COL23A1: variants seen among roughly 807,000 people sequenced by gnomAD.
COL23A1 encodes collagen alpha-1(XXIII) chain.
Under a neutral mutation model 99.3 loss-of-function variants are expected in COL23A1, and 97 were observed. The ratio of observed to expected loss-of-function variants is 0.98; its 90% CI spans 0.83 to 1.16. The LOEUF is 1.16. COL23A1 is among the 50% of genes most tolerant of loss of function. COL23A1 has a pLI of 0.00. For synonymous variants in COL23A1, 320 were observed against 308.2 expected (o/e 1.04, Z -0.40); for missense variants, 762 against 757.4 (o/e 1.01, Z -0.07).
intron 2 of COL23A1, among the ~76,000 whole-genome samples, chr5:178,447,265 T>C (rs1767214139): frequency 6.6e-6 from 1 of 152,028 alleles, no homozygotes; most frequent in South Asian, 2.1e-4. Context: ...GGCTAATTTT[T>C]GTATTTTTAG....
At chr5:178,503,232 T>C (rs1758672839) in intron 2 of COL23A1, among the ~76,000 whole-genome samples, 1 of 152,156 alleles carries the variant, frequency 6.6e-6, no homozygotes, top group East Asian at 1.9e-4. Flanking sequence ...AATACAAGAA[T>C]TAGCCAAGCG....
At chr5:178,265,596 G>A (rs1459330111) in intron 8 of COL23A1, 3 of 837,284 alleles carry the variant, frequency 3.6e-6, no homozygotes, top group Non-Finnish European at 2.9e-6. Flanking sequence ...GCAAACGTGG[G>A]GTGAGTTGGG....
intron 3 of COL23A1, among the ~76,000 whole-genome samples, chr5:178,296,558 C>T (rs1369116113): frequency 2.0e-5 from 3 of 152,078 alleles, no homozygotes; most frequent in South Asian, 2.1e-4. Context: ...TTCTTGGCCA[C>T]GCCGTTTTTT....
chr5:178,374,173 C>T (rs967869524), intron 2 of COL23A1, among the ~76,000 whole-genome samples: 7 of 152,190 alleles, frequency 4.6e-5, no homozygotes, highest in Admixed American at 2.0e-4. Context: ...GTAATGAGTA[C>T]ATTAATGGTG....
At chr5:178,358,258 GTA>G (rs571551001) in intron 2 of COL23A1, among the ~76,000 whole-genome samples, 13 of 139,290 alleles carry the variant, frequency 9.3e-5, no homozygotes, top group South Asian at 4.7e-4. Flanking sequence ...GTGTGTGTAT[GTA>G]TATGTGTGTA....
rs143616946 is a variant in COL23A1, at chr5:178,340,632, G to A, written c.362-33713C>T. ...CTCAGGAGAAGCTGATGGTCCCAGA[G>A]CACACAGGGAATACCCATCAAGGCT... is the stretch of plus-strand genomic sequence containing the variant. On this transcript the variant is annotated intron_variant, in intron 2 of 28. Coordinates refer to ENST00000390654, the MANE Select transcript of COL23A1 (RefSeq NM_173465.4). This position sits in a 1 kb window ranked among gnomAD's most constrained non-coding sequence, Gnocchi z 4.7. Among the ~76,000 whole-genome samples the A allele has an allele frequency of 5.9e-3, 892 of 152,328 alleles. 8 individuals are homozygous for A. The highest frequency in any genetic ancestry group is 0.01 in the Admixed American group (154 of 15,306).
At chr5:178,457,964 A>G (rs1755887439) in intron 2 of COL23A1, among the ~76,000 whole-genome samples, 1 of 152,236 alleles carries the variant, frequency 6.6e-6, no homozygotes, top group South Asian at 2.1e-4. Context: ...GGGTATCCAC[A>G]GCACCCATAT....
intron 2 of COL23A1, among the ~76,000 whole-genome samples, chr5:178,455,592 C>T (rs569056838): frequency 6.6e-6 from 1 of 152,332 alleles, no homozygotes; most frequent in South Asian, 2.1e-4. Flanking sequence ...TCACGGGAGT[C>T]CCCCTGCATC....
intron 1 of COL23A1, among the ~76,000 whole-genome samples, chr5:178,575,898 TCGGAATATGA>T (rs1763327031): frequency 6.6e-6 from 1 of 152,204 alleles, no homozygotes; most frequent in African/African-American, 2.4e-5. Context: ...CACCAGGTGT[TCGGAATATGA>T]CCGTAGCCAC....
chr5:178,498,236 AT>A (rs1562025568), intron 2 of COL23A1, among the ~76,000 whole-genome samples: 907 of 63,004 alleles, frequency 0.014, 97 homozygotes, highest in African/African-American at 0.087. Flanking sequence ...ATATATATAT[AT>A]ATATATATAT....
At chr5:178,443,813 C>G (rs1391091116) in intron 2 of COL23A1, among the ~76,000 whole-genome samples, 2 of 151,982 alleles carry the variant, frequency 1.3e-5, no homozygotes, top group Non-Finnish European at 2.9e-5. Context: ...ATTGTATACC[C>G]TAATGGTTAA....
intron 2 of COL23A1, among the ~76,000 whole-genome samples, chr5:178,377,548 G>A (rs753907221): frequency 3.9e-5 from 6 of 152,128 alleles, no homozygotes; most frequent in African/African-American, 7.2e-5. Context: ...CTCTGCCACC[G>A]GCCATGTGTC....
At chr5:178,506,345 C>A (rs1758870834) in intron 2 of COL23A1, among the ~76,000 whole-genome samples, 1 of 152,230 alleles carries the variant, frequency 6.6e-6, no homozygotes, top group Non-Finnish European at 1.5e-5. Flanking sequence ...CACACCAGGG[C>A]AGCAGCTGGT....
At chr5:178,516,416 C>T (rs1046012772) in intron 2 of COL23A1, among the ~76,000 whole-genome samples, 7 of 152,212 alleles carry the variant, frequency 4.6e-5, no homozygotes, top group African/African-American at 1.7e-4. Context: ...CCAGATCTCT[C>T]TGGTTTTAAG....
At chr5:178,349,386 T>C (rs1005392155) in intron 2 of COL23A1, among the ~76,000 whole-genome samples, 1 of 152,102 alleles carries the variant, frequency 6.6e-6, no homozygotes, top group Non-Finnish European at 1.5e-5. Flanking sequence ...ACACCGGTGT[T>C]GATAACCCGG....
chr5:178,559,784 C>T (rs1321075696), intron 2 of COL23A1, among the ~76,000 whole-genome samples: 1 of 136,088 alleles, frequency 7.3e-6, no homozygotes, highest in African/African-American at 2.9e-5. Flanking sequence ...CCTTTCCCTG[C>T]ACATCGAGAA....
At chr5:178,369,224 A>G (rs968348805) in intron 2 of COL23A1, among the ~76,000 whole-genome samples, 2 of 152,166 alleles carry the variant, frequency 1.3e-5, no homozygotes, top group South Asian at 2.1e-4. Flanking sequence ...GGAGACGAAC[A>G]GGTCTGGGGC....
At chr5:178,347,440 G>A (rs555001234) in intron 2 of COL23A1, among the ~76,000 whole-genome samples, 22 of 149,672 alleles carry the variant, frequency 1.5e-4, no homozygotes, top group Non-Finnish European at 2.5e-4. Context: ...GGAGGGGTAT[G>A]GGGAGGGATT....
chr5:178,398,453 C>A (rs1321022965), intron 2 of COL23A1, among the ~76,000 whole-genome samples: 1 of 152,074 alleles, frequency 6.6e-6, no homozygotes. Context: ...ATGGCAAAAA[C>A]CCATCTCTAC....
Sources: allele counts gnomAD v4.1 joint callset (sites outside exome capture counted in the v4.1 genomes callset), GRCh38; gene constraint gnomAD v4.1.1; non-coding constraint Gnocchi (gnomAD v3.1); transcripts MANE v1.5; gene names NCBI Gene and HGNC (gene_info 2026-07-23, HGNC 2026-07-21).